Variants in USP34 observed in about 807,000 individuals in gnomAD.
USP34 encodes ubiquitin specific peptidase 34.
Under a neutral mutation model 460.3 loss-of-function variants are expected in USP34, and 70 were observed. That is an observed-to-expected ratio of 0.15 (90% CI 0.13 to 0.19). USP34 has a LOEUF of 0.19. Ranked by LOEUF, USP34 falls within the 10% of genes least tolerant of loss-of-function variation. The pLI is 1.00. For missense variants in USP34, 3,985 were observed against 4,236.2 expected (o/e 0.94, Z 1.65); for synonymous variants, 1,647 against 1,405.3 (o/e 1.17, Z -3.85).
chr2:61,258,564 A>T (rs1434650070), intron 44 of USP34, among the ~76,000 whole-genome samples: 1 of 152,136 alleles, frequency 6.6e-6, no homozygotes, highest in Admixed American at 6.5e-5. Context: ...AAACAATGGC[A>T]TAAATAAACC....
intron 16 of USP34, among the ~76,000 whole-genome samples, chr2:61,342,144 C>T (rs1363317880): frequency 1.3e-5 from 2 of 152,140 alleles, no homozygotes; most frequent in South Asian, 2.1e-4. Flanking sequence ...CAAGTTATGA[C>T]AGTTCCAGCT....
At chr2:61,229,069 T>A (rs563621153) in intron 59 of USP34, 74 bp from the exon 60 acceptor site, 1 of 1,194,452 alleles carries the variant, frequency 8.4e-7, no homozygotes, top group East Asian at 2.5e-5. Flanking sequence ...AAGTACTTTT[T>A]AAACTCTGAA....
At chr2:61,271,784 T>C (rs1329718766) in intron 41 of USP34, among the ~76,000 whole-genome samples, 1 of 152,174 alleles carries the variant, frequency 6.6e-6, no homozygotes, top group African/African-American at 2.4e-5. Context: ...AAGTGTAAAA[T>C]ATTTATCATG....
At chr2:61,361,896 T>C (rs578146490) in intron 10 of USP34, among the ~76,000 whole-genome samples, 2 of 151,926 alleles carry the variant, frequency 1.3e-5, no homozygotes, top group African/African-American at 4.8e-5. Context: ...GAATAAAATA[T>C]TTACAAACCA....
chr2:61,228,079 CACA>C (rs949410453), intron 61 of USP34, among the ~76,000 whole-genome samples: 16 of 152,138 alleles, frequency 1.1e-4, no homozygotes, highest in Non-Finnish European at 2.1e-4. Flanking sequence ...AGGATCAAAG[CACA>C]ACAAGTCACT....
intron 48 of USP34, among the ~76,000 whole-genome samples, chr2:61,249,507 G>A (rs537481890): frequency 1.3e-5 from 2 of 152,272 alleles, no homozygotes; most frequent in East Asian, 3.9e-4. Flanking sequence ...CTGTCTGCAG[G>A]TAACAAACTG....
intron 30 of USP34, 38 bp from the exon 31 acceptor site, chr2:61,295,328 T>A: frequency 6.4e-7 from 1 of 1,550,804 alleles, no homozygotes; most frequent in Admixed American, 2.2e-5. Flanking sequence ...GCCAACTTAC[T>A]CAGGGAACAC....
chr2:61,221,447 T>G, intron 66 of USP34, 55 bp downstream of exon 66: 1 of 1,488,918 alleles, frequency 6.7e-7, no homozygotes, highest in Non-Finnish European at 9.1e-7. Flanking sequence ...GACTATATTA[T>G]AAAAATAAAA....
At chr2:61,244,455 A>C (rs1236259290) in intron 51 of USP34, among the ~76,000 whole-genome samples, 1 of 151,970 alleles carries the variant, frequency 6.6e-6, no homozygotes, top group Non-Finnish European at 1.5e-5. Context: ...CCTCTACTAA[A>C]AATACAAAAA....
chr2:61,342,296 C>CTTTTTTTT (rs34298126), intron 16 of USP34, among the ~76,000 whole-genome samples: 1 of 95,074 alleles, frequency 1.1e-5, no homozygotes, highest in African/African-American at 4.3e-5. Context: ...TGGCCGTTTC[C>CTTTTTTTT]TTTTTTTTTT....
At chr2:61,468,575 A>T (rs958261612) in intron 1 of USP34, among the ~76,000 whole-genome samples, 8 of 152,362 alleles carry the variant, frequency 5.3e-5, no homozygotes, top group Non-Finnish European at 1.0e-4. Context: ...TAAGAAACTA[A>T]GTATTTTTAG....
At chr2:61,467,303 C>T (rs1333436460) in intron 1 of USP34, among the ~76,000 whole-genome samples, 1 of 151,254 alleles carries the variant, frequency 6.6e-6, no homozygotes, top group Non-Finnish European at 1.5e-5. Context: ...ATTCTGTCTC[C>T]AAATAAAAAA....
intron 4 of USP34, 27 bp downstream of exon 4, chr2:61,395,156 A>G (rs775666444): frequency 4.0e-6 from 6 of 1,484,994 alleles, no homozygotes; most frequent in Non-Finnish European, 4.6e-6. Flanking sequence ...AATTTTCCAT[A>G]AAAGAATAAA....
At chr2:61,324,866 T>C (rs916929806) in intron 21 of USP34, among the ~76,000 whole-genome samples, 1 of 152,172 alleles carries the variant, frequency 6.6e-6, no homozygotes, top group Non-Finnish European at 1.5e-5. Flanking sequence ...ATTATCTAAA[T>C]GTTGGTATAA....
chr2:61,242,717 T>C lies in USP34; in HGVS notation c.6628-898A>G, dbSNP rs555828877. On this transcript the variant is annotated intron_variant, in intron 51 of 79. Coordinates refer to ENST00000398571, the MANE Select transcript of USP34 (RefSeq NM_014709.4). ...ATGAGTAAGGAGACGAGGATTCTAC[T>C]GGTAATGCTGGAGAACTTCAGGTGT... Among the ~76,000 whole-genome samples, 4 of 152,258 alleles carry C rather than the reference T, an allele frequency of 2.6e-5. 1 individual carries two copies. In the South Asian group the frequency reaches 8.3e-4, roughly 32 times the overall value.
chr2:61,316,921 T>A (rs1356514758), intron 23 of USP34, among the ~76,000 whole-genome samples: 1 of 152,024 alleles, frequency 6.6e-6, no homozygotes, highest in African/African-American at 2.4e-5. Context: ...TAAAAATAAT[T>A]CTTTTTCCTT....
chr2:61,346,643 G>A (rs1022117779), intron 15 of USP34, among the ~76,000 whole-genome samples: 2 of 141,888 alleles, frequency 1.4e-5, no homozygotes, highest in Non-Finnish European at 3.0e-5. Flanking sequence ...TGGCCAATAT[G>A]GTGAAACCCC....
intron 5 of USP34, among the ~76,000 whole-genome samples, chr2:61,384,036 A>C (rs1693059094): frequency 6.6e-6 from 1 of 152,128 alleles, no homozygotes; most frequent in Non-Finnish European, 1.5e-5. Context: ...TTTTTAACTA[A>C]TCATCTCATC....
In USP34 at chr2:61,187,860, G is replaced by A; in HGVS notation, c.*242C>T. 1 of 1,303,842 alleles carries A rather than the reference G, an allele frequency of 7.7e-7. No homozygotes were observed. The highest frequency in any genetic ancestry group is 9.9e-7 in the Non-Finnish European group (1 of 1,012,032). 80.8% of individuals were successfully genotyped at this position (1,303,842 alleles called of 1,614,324 possible). On this transcript the variant is annotated 3_prime_UTR_variant, in exon 80 of 80. Transcript: ENST00000398571. ...GCCATATTAAATGAAAGCCACTAAAGTGAACTCTTAATTACATAAAACATA... is the reference window on the plus strand; with the variant it reads ...GCCATATTAAATGAAAGCCACTAAAATGAACTCTTAATTACATAAAACATA...
Sources: gnomAD v4.1 joint callset for allele counts (sites outside exome capture counted in the v4.1 genomes callset) on GRCh38, gnomAD v4.1.1 for gene constraint, MANE v1.5 for transcripts, NCBI Gene and HGNC (gene_info 2026-07-23, HGNC 2026-07-21) for gene names.